SEMA5A: variants seen among roughly 807,000 people sequenced by gnomAD.
The protein encoded by SEMA5A is semaphorin 5A, also known as semaphorin-5A.
A neutral mutation model predicts 135.5 loss-of-function variants in SEMA5A; 55 were observed. The observed-to-expected ratio is 0.41, with a 90% confidence interval of 0.33 to 0.51. The LOEUF (loss-of-function observed/expected upper bound fraction) is 0.51, where lower values mean the gene tolerates loss of function less well. Among genes scored for constraint, SEMA5A ranks in the 20% least tolerant of loss-of-function variants. The probability of loss-of-function intolerance (pLI) is 0.37; values close to 1 mark genes in which losing one functional copy is unlikely to be tolerated. For missense variants in SEMA5A, 1,290 were observed against 1,419.9 expected, an observed-to-expected ratio of 0.91 and a Z score of 1.47; for synonymous variants, 580 against 546.5, an observed-to-expected ratio of 1.06 and a Z score of -0.85.
chr5:9,271,186 G>T (rs937789959), intron 5 of SEMA5A, among the ~76,000 whole-genome samples: 1 of 152,026 alleles, frequency 6.6e-6, no homozygotes, highest in African/African-American at 2.4e-5. Context: ...CCGTTTACTT[G>T]CTCTCTCTTC....
At chr5:9,106,061 C>T (rs7726052) in intron 16 of SEMA5A, among the ~76,000 whole-genome samples, 17,572 of 152,060 alleles carry the variant, frequency 0.12, 1,546 homozygotes, top group East Asian at 0.32. Context: ...GGAGAAGACA[C>T]GTCAGAAGAA....
At chr5:9,388,264 G>A (rs982526812) in intron 2 of SEMA5A, among the ~76,000 whole-genome samples, 1 of 152,074 alleles carries the variant, frequency 6.6e-6, no homozygotes, top group Non-Finnish European at 1.5e-5. Flanking sequence ...CCCTTCAAAG[G>A]GAATTGTTAT....
At chr5:9,066,024 C>A (rs1014641812) in intron 17 of SEMA5A, among the ~76,000 whole-genome samples, 2 of 152,200 alleles carry the variant, frequency 1.3e-5, no homozygotes, top group Admixed American at 1.3e-4. Flanking sequence ...AAATGCACTT[C>A]CATTGCCTTT....
intron 3 of SEMA5A, among the ~76,000 whole-genome samples, chr5:9,342,872 C>A (rs185930458): frequency 5.7e-4 from 87 of 152,294 alleles, no homozygotes; most frequent in Non-Finnish European, 1.9e-4. Context: ...ACAAACCCAA[C>A]CAGCATAGTT....
chr5:9,298,224 A>G (rs755816054), intron 5 of SEMA5A, among the ~76,000 whole-genome samples: 14 of 152,202 alleles, frequency 9.2e-5, no homozygotes, highest in Non-Finnish European at 1.8e-4. Flanking sequence ...TGAGCCAGAC[A>G]AGCATAGAGG....
intron 2 of SEMA5A, among the ~76,000 whole-genome samples, chr5:9,402,940 T>C (rs1579483615): frequency 2.6e-5 from 4 of 152,300 alleles, no homozygotes; most frequent in South Asian, 4.1e-4. Context: ...GCCAGCAAGA[T>C]GCAACACAAA....
At chr5:9,109,445 T>C (rs1486724840) in intron 15 of SEMA5A, among the ~76,000 whole-genome samples, 1 of 152,184 alleles carries the variant, frequency 6.6e-6, no homozygotes, top group Non-Finnish European at 1.5e-5. Flanking sequence ...TTACAGCTCA[T>C]AGAAAGGAAG....
At chr5:9,392,688 A>C in intron 2 of SEMA5A, among the ~76,000 whole-genome samples, 1 of 152,164 alleles carries the variant, frequency 6.6e-6, no homozygotes, top group East Asian at 1.9e-4. Context: ...TGGAGGACAG[A>C]TTTTATTTTG....
chr5:9,276,015 C>A (rs1750242495), intron 5 of SEMA5A, among the ~76,000 whole-genome samples: 1 of 152,172 alleles, frequency 6.6e-6, no homozygotes, highest in South Asian at 2.1e-4. Context: ...AACAGGAAGT[C>A]AAATTGTCTC....
chr5:9,507,991 A>G (rs396107), intron 1 of SEMA5A, among the ~76,000 whole-genome samples: 145,431 of 149,876 alleles, frequency 0.97, 70,805 homozygotes, highest in Non-Finnish European at 0.99. Flanking sequence ...GCGAGAGAGC[A>G]AGACTCTGTC....
chr5:9,332,785 T>C (rs1040190735), intron 4 of SEMA5A, among the ~76,000 whole-genome samples: 2 of 152,254 alleles, frequency 1.3e-5, no homozygotes, highest in African/African-American at 4.8e-5. Flanking sequence ...ATGTTCTCAT[T>C]TTGTGATGTT....
At chr5:9,162,237 C>T (rs1406270825) in intron 11 of SEMA5A, among the ~76,000 whole-genome samples, 2 of 151,992 alleles carry the variant, frequency 1.3e-5, no homozygotes, top group African/African-American at 2.4e-5. Context: ...ACACTGCGGC[C>T]AACATGATTT....
At chr5:9,486,442 C>A (rs1434068358) in intron 1 of SEMA5A, among the ~76,000 whole-genome samples, 2 of 152,030 alleles carry the variant, frequency 1.3e-5, no homozygotes, top group Admixed American at 6.5e-5. Flanking sequence ...AAAGTAAAAT[C>A]AAAAATAAAT....
chr5:9,277,680 C>T (rs1750331208), intron 5 of SEMA5A, among the ~76,000 whole-genome samples: 1 of 152,122 alleles, frequency 6.6e-6, no homozygotes, highest in African/African-American at 2.4e-5. Context: ...ATGGATGATG[C>T]TGGAAACCAT....
intron 4 of SEMA5A, among the ~76,000 whole-genome samples, chr5:9,329,147 T>A (rs116737158): frequency 3.4e-4 from 52 of 152,278 alleles, no homozygotes; most frequent in African/African-American, 1.3e-3. Flanking sequence ...TTCAGATCGA[T>A]GCACCATCAT....
At chr5:9,291,286 C>T (rs971273872) in intron 5 of SEMA5A, among the ~76,000 whole-genome samples, 1 of 152,274 alleles carries the variant, frequency 6.6e-6, no homozygotes, top group Admixed American at 6.5e-5. Context: ...AGCAGCATGT[C>T]CCCCACAGGC....
chr5:9,529,690 C>T (rs1737337684), intron 1 of SEMA5A, among the ~76,000 whole-genome samples: 2 of 152,164 alleles, frequency 1.3e-5, no homozygotes, highest in African/African-American at 4.8e-5. Context: ...CGGACTCCTC[C>T]TAGTATTTAA....
intron 5 of SEMA5A, among the ~76,000 whole-genome samples, chr5:9,287,293 G>A (rs1304296675): frequency 6.6e-6 from 1 of 151,998 alleles, no homozygotes; most frequent in Non-Finnish European, 1.5e-5. Flanking sequence ...AAGTAACTTT[G>A]GTGTCAGCAA....
chr5:9,242,329 C>A (rs182042279), intron 5 of SEMA5A, among the ~76,000 whole-genome samples: 1 of 152,112 alleles, frequency 6.6e-6, no homozygotes, highest in African/African-American at 2.4e-5. Flanking sequence ...GCTAGAATGG[C>A]GTGCATTGAA....
Sources: allele counts gnomAD v4.1 joint callset (sites outside exome capture counted in the v4.1 genomes callset), GRCh38; gene constraint gnomAD v4.1.1; transcripts MANE v1.5; gene names NCBI Gene and HGNC (gene_info 2026-07-23, HGNC 2026-07-21).